The following GRID1 variants were observed in gnomAD, a reference collection of about 807,000 sequenced individuals.
GRID1 encodes glutamate receptor ionotropic, delta-1.
A neutral mutation model predicts 98.0 loss-of-function variants in GRID1; 28 were observed. The observed-to-expected ratio is 0.29, with a 90% confidence interval of 0.21 to 0.39. The LOEUF is 0.39. Ranked by LOEUF, GRID1 falls within the 10% of genes least tolerant of loss-of-function variation. The pLI is 1.00. For synonymous variants in GRID1, 553 were observed against 538.5 expected, an observed-to-expected ratio of 1.03 and a Z score of -0.37; for missense variants, 1,111 against 1,340.5, an observed-to-expected ratio of 0.83 and a Z score of 2.67.
At chr10:85,608,276 C>T (rs1290936143) in intron 15 of GRID1, among the ~76,000 whole-genome samples, 1 of 152,150 alleles carries the variant, frequency 6.6e-6, no homozygotes, top group Non-Finnish European at 1.5e-5. Flanking sequence ...ATATCAGAAG[C>T]ACAGGTGGAG....
intron 8 of GRID1, among the ~76,000 whole-genome samples, chr10:85,748,089 C>A (rs978755496): frequency 6.6e-6 from 1 of 152,088 alleles, no homozygotes; most frequent in Non-Finnish European, 1.5e-5. Context: ...ACCTGCCCAC[C>A]GTGACTGTGT....
In GRID1 at chr10:85,886,464, T is replaced by C. The variant is rs564717761; in HGVS notation, c.781-17284A>G. 2.0e-5 allele frequency among the ~76,000 whole-genome samples: 3 copies of C among 152,306 alleles called. No homozygotes were observed. The South Asian group carries it at 6.2e-4, about 32-fold the overall frequency. On this transcript the variant is annotated intron_variant, in intron 5 of 15. Transcript: ENST00000327946. Reference sequence around the variant, plus strand: ...ACAACCTTACTGATTCACACTCTCATGGGACTTGAAATGGGGTACAGGGCA... The same window carrying C: ...ACAACCTTACTGATTCACACTCTCACGGGACTTGAAATGGGGTACAGGGCA...
chr10:86,010,924 A>G (rs1434428156), intron 4 of GRID1, among the ~76,000 whole-genome samples: 1 of 152,170 alleles, frequency 6.6e-6, no homozygotes, highest in Non-Finnish European at 1.5e-5. Flanking sequence ...CGGCAGATGA[A>G]TCATGAAGGC....
intron 15 of GRID1, among the ~76,000 whole-genome samples, chr10:85,611,669 A>G (rs567623974): frequency 6.6e-6 from 1 of 152,302 alleles, no homozygotes; most frequent in South Asian, 2.1e-4. Flanking sequence ...GGGCCACCCC[A>G]TCACAGCTGC....
intron 2 of GRID1, among the ~76,000 whole-genome samples, chr10:86,278,610 C>A (rs1589435330): frequency 6.6e-6 from 1 of 152,206 alleles, no homozygotes; most frequent in East Asian, 1.9e-4. Flanking sequence ...ACTACAGATA[C>A]TACAGGTATT....
At chr10:85,894,976 A>T (rs1280979229) in intron 5 of GRID1, among the ~76,000 whole-genome samples, 1 of 144,644 alleles carries the variant, frequency 6.9e-6, no homozygotes, top group Non-Finnish European at 1.5e-5. Flanking sequence ...TCACTGCACC[A>T]CAGCCTTCAA....
chr10:86,059,232 C>G (rs1365970514), intron 4 of GRID1, among the ~76,000 whole-genome samples: 1 of 152,138 alleles, frequency 6.6e-6, no homozygotes, highest in Non-Finnish European at 1.5e-5. Flanking sequence ...GAGTGGATAT[C>G]AAGAGGTCTT....
intron 5 of GRID1, among the ~76,000 whole-genome samples, chr10:85,911,879 A>G (rs1841544136): frequency 6.6e-6 from 1 of 152,190 alleles, no homozygotes; most frequent in African/African-American, 2.4e-5. Context: ...GCTGCTAAAG[A>G]GGCTCCAAAA....
At chr10:86,146,676 C>T (rs549113919) in intron 3 of GRID1, among the ~76,000 whole-genome samples, 110 of 152,264 alleles carry the variant, frequency 7.2e-4, no homozygotes, top group African/African-American at 2.2e-3. Context: ...ATTTCCTGAA[C>T]ACTGTCCTGG....
chr10:85,602,276 G>C lies in GRID1; in HGVS notation c.3027C>G (p.Ile1009Met). Reference protein sequence around the residue: ...EALDTSHGTSI With the variant: ...EALDTSHGTSM ...GGCAGGAGGGCAGGCGGCGCAGTCA[G>C]ATGGAGGTCCCGTGGGAGGTGTCCA... The change falls in exon 16 of 16, where the codon ATC becomes ATG. Residue 1009 changes from isoleucine (I) to methionine (M), a missense_variant. Physicochemically the swap from Ile to Met is conservative, Grantham distance 10. This residue lies in a region of GRID1 where 762 missense variants were observed against 869.1 expected (regional missense o/e 0.88). Coordinates refer to ENST00000327946, the MANE Select transcript of GRID1 (RefSeq NM_017551.3). 1 of 1,509,286 alleles carries C rather than the reference G, an allele frequency of 6.6e-7. No homozygotes were observed. The highest frequency in any genetic ancestry group is 8.9e-7 in the Non-Finnish European group (1 of 1,129,702). 93.5% of individuals were successfully genotyped at this position (1,509,286 alleles called of 1,614,324 possible). A position where few individuals can be genotyped will look rare whatever the true frequency, so the allele number is the denominator to read the frequency against.
At chr10:86,129,571 C>T (rs1219310020) in intron 4 of GRID1, among the ~76,000 whole-genome samples, 2 of 152,192 alleles carry the variant, frequency 1.3e-5, no homozygotes, top group African/African-American at 4.8e-5. Flanking sequence ...ATAAATAAAG[C>T]CTGTCTTCAT....
chr10:86,117,938 C>G (rs535270512), intron 4 of GRID1, among the ~76,000 whole-genome samples: 2 of 152,206 alleles, frequency 1.3e-5, no homozygotes, highest in Non-Finnish European at 2.9e-5. Context: ...TTTGATCCAG[C>G]AATCCCACTA....
At chr10:85,924,530 C>T (rs1841748961) in intron 4 of GRID1, among the ~76,000 whole-genome samples, 1 of 152,188 alleles carries the variant, frequency 6.6e-6, no homozygotes. Flanking sequence ...CGTTGAACCT[C>T]CTGATGCTAG....
intron 2 of GRID1, among the ~76,000 whole-genome samples, chr10:86,250,576 C>T (rs577842343): frequency 1.2e-3 from 174 of 151,164 alleles, no homozygotes; most frequent in Non-Finnish European, 2.1e-3. Context: ...AGCCCCCGCC[C>T]GGCCAGCTGC....
At chr10:85,822,659 A>C (rs1842783732) in intron 8 of GRID1, among the ~76,000 whole-genome samples, 1 of 152,178 alleles carries the variant, frequency 6.6e-6, no homozygotes, top group South Asian at 2.1e-4. Context: ...AACTAGAAAT[A>C]CCATTTGACC....
chr10:86,002,502 A>G (rs1287418948), intron 4 of GRID1, among the ~76,000 whole-genome samples: 1 of 113,400 alleles, frequency 8.8e-6, no homozygotes. Context: ...TACATTCTCC[A>G]TTTCCTAAGT....
intron 12 of GRID1, among the ~76,000 whole-genome samples, chr10:85,658,404 C>T (rs1840927264): frequency 6.6e-6 from 1 of 152,156 alleles, no homozygotes; most frequent in Non-Finnish European, 1.5e-5. Context: ...ATTATTTCTA[C>T]CCCCCTCATT....
chr10:85,959,782 T>C (rs564440203), intron 4 of GRID1, among the ~76,000 whole-genome samples: 2 of 152,242 alleles, frequency 1.3e-5, no homozygotes, highest in African/African-American at 2.4e-5. Flanking sequence ...CACCTGTCAA[T>C]GAACATTTGC....
chr10:86,253,266 C>T (rs1249340460), intron 2 of GRID1, among the ~76,000 whole-genome samples: 3 of 152,234 alleles, frequency 2.0e-5, no homozygotes, highest in Admixed American at 6.5e-5. Context: ...ATCTCTGCAT[C>T]GGAGGCCTGC....
Sources: allele counts gnomAD v4.1 joint callset (sites outside exome capture counted in the v4.1 genomes callset), GRCh38; gene constraint gnomAD v4.1.1; regional missense constraint gnomAD v4.1.1; transcripts MANE v1.5; gene names NCBI Gene and HGNC (gene_info 2026-07-23, HGNC 2026-07-21).